ZFP41: variants seen among roughly 807,000 people sequenced by gnomAD.
ZFP41 encodes zinc finger protein 41 homolog.
In ZFP41, 10 loss-of-function variants were observed where a neutral mutation model predicts 11.6. That is an observed-to-expected ratio of 0.86 (90% confidence interval 0.53 to 1.47). The LOEUF (loss-of-function observed/expected upper bound fraction) is 1.47. ZFP41 is among the 40% of genes most tolerant of loss of function. ZFP41 has a pLI of 0.00. For synonymous variants in ZFP41, 123 were observed against 100.9 expected (o/e 1.22, Z -1.31); for missense variants, 302 against 264.6 (o/e 1.14, Z -0.98).
intron 2 of ZFP41, among the ~76,000 whole-genome samples, chr8:143,258,933 C>G (rs1235921108): frequency 6.6e-6 from 1 of 152,224 alleles, no homozygotes; most frequent in African/African-American, 2.4e-5. Context: ...GGCAGCAGCA[C>G]AGTCTGGAGA....
At chr8:143,256,412 C>T (rs1190100517) in intron 2 of ZFP41, among the ~76,000 whole-genome samples, 5 of 151,718 alleles carry the variant, frequency 3.3e-5, no homozygotes, top group African/African-American at 7.3e-5. Flanking sequence ...GGGCTCGCCC[C>T]GCGTGCTGGT....
At chr8:143,253,635 G>A (rs928458523) in intron 2 of ZFP41, 8 of 152,224 alleles carry the variant, frequency 5.3e-5, no homozygotes, top group African/African-American at 1.9e-4. Context: ...CTAGGTGAAG[G>A]GTGCATTCGA....
At chr8:143,252,733 C>A in intron 2 of ZFP41, 1 of 709,000 alleles carries the variant, frequency 1.4e-6, no homozygotes, top group Non-Finnish European at 1.7e-6. Flanking sequence ...GGAGGCCAGT[C>A]TTCCCGTGGG....
rs373230405 is a variant in ZFP41, at chr8:143,250,035, C to T, written c.192C>T (p.Phe64=). 22 of 1,614,104 alleles carry T rather than the reference C, an allele frequency of 1.4e-5. 1 individual carries two copies. The highest frequency in any genetic ancestry group is 7.7e-5 in the South Asian group (7 of 91,084). The stretch of plus-strand genomic sequence containing the variant: ...ACGAAGAGCACGTCTTTGATGCCTT[C>T]GACGCTTCATTTAAAGATGACTTTG... ...PEDEEHVFDA[F]DASFKDDFEG... Residue 64 remains phenylalanine, a synonymous_variant, in exon 2 of 3, where the codon TTC becomes TTT. Transcript: ENST00000330701.
intron 2 of ZFP41, chr8:143,252,549 C>T (rs1814796915): frequency 8.2e-6 from 5 of 608,080 alleles, no homozygotes; most frequent in Non-Finnish European, 1.0e-5. Context: ...AGAGGGGAGC[C>T]GTGGCGCCTG....
At chr8:143,253,802 C>G (rs1181640891) in intron 2 of ZFP41, among the ~76,000 whole-genome samples, 2 of 152,182 alleles carry the variant, frequency 1.3e-5, no homozygotes, top group East Asian at 1.9e-4. Context: ...TGAGCTCTCA[C>G]TCTTGAGGTT....
intron 2 of ZFP41, among the ~76,000 whole-genome samples, chr8:143,258,613 A>C (rs750059273): frequency 2.6e-5 from 4 of 152,246 alleles, no homozygotes; most frequent in African/African-American, 7.2e-5. Context: ...TGCAGCATTC[A>C]TAGGAACCAG....
chr8:143,262,067 C>T lies in ZFP41; in HGVS notation c.*3193C>T, dbSNP rs141369447. ...GGCTGTCTCCGGCAGCCCCTGCCCGCGCCCGCACCTCTGCACCTCCCACGC... is the reference window on the plus strand; with the variant it reads ...GGCTGTCTCCGGCAGCCCCTGCCCGTGCCCGCACCTCTGCACCTCCCACGC... On this transcript the variant is annotated 3_prime_UTR_variant, in exon 3 of 3. Transcript: ENST00000330701. 0.01 allele frequency: 1,870 copies of T among 180,582 alleles called. 24 individuals are homozygous for T. Among genetic ancestry groups the T allele is most frequent in the African/African-American group, 0.029 (1,134 of 39,576 alleles). 11.2% of individuals were successfully genotyped at this position (180,582 alleles called of 1,614,324 possible).
At chr8:143,257,792 C>T (rs1407036017) in intron 2 of ZFP41, among the ~76,000 whole-genome samples, 1 of 152,222 alleles carries the variant, frequency 6.6e-6, no homozygotes, top group Non-Finnish European at 1.5e-5. Flanking sequence ...CAGCCCAGCT[C>T]GAGGAGACAC....
rs777499109 is a variant in ZFP41 at position 143,250,064 on chromosome 8, G to A, written c.221G>A (p.Gly74Glu). 1.2e-6 allele frequency: 2 copies of A among 1,614,140 alleles called. No individual in the cohort carries two copies. Among genetic ancestry groups the A allele is most frequent in the South Asian group, 1.1e-5 (1 of 91,086 alleles). ...FDASFKDDFE[G>E]VPVFIPFQRK... ...GCTTCATTTAAAGATGACTTTGAGGGGGTTCCCGTGTTCATTCCTTTTCAG... is the reference window on the plus strand; with the variant it reads ...GCTTCATTTAAAGATGACTTTGAGGAGGTTCCCGTGTTCATTCCTTTTCAG... Residue 74 changes from glycine (G) to glutamate (E), a missense_variant, in exon 2 of 3, where the codon GGG becomes GAG. Gly to Glu is a moderately conservative substitution (Grantham distance 98, BLOSUM62 -2). Transcript: ENST00000330701.
intron 2 of ZFP41, among the ~76,000 whole-genome samples, chr8:143,251,683 C>T (rs1479137738): frequency 2.0e-5 from 3 of 152,178 alleles, no homozygotes; most frequent in Non-Finnish European, 4.4e-5. Context: ...GGGTACACTG[C>T]CCGGATGATG....
At position 143,261,659 on chromosome 8, in the gene ZFP41, C is replaced by T. The variant is rs1815041415; in HGVS notation, c.*2785C>T. On this transcript the variant is annotated 3_prime_UTR_variant, in exon 3 of 3. Coordinates refer to ENST00000330701, the MANE Select transcript of ZFP41 (RefSeq NM_173832.6). Reference sequence around the variant, plus strand: ...GGCGACTTCACAGCCGAGACCGGGCCTAACGCTGCTGTCTCGCAGTCACCC... The same window carrying T: ...GGCGACTTCACAGCCGAGACCGGGCTTAACGCTGCTGTCTCGCAGTCACCC... The T allele has an allele frequency of 6.3e-6, 1 of 158,182 alleles. No individual in the cohort carries two copies. The highest frequency in any genetic ancestry group is 1.4e-5 in the Non-Finnish European group (1 of 72,124). 9.8% of individuals were successfully genotyped at this position (158,182 alleles called of 1,614,324 possible).
At chr8:143,254,556 T>A (rs1200897641) in intron 2 of ZFP41, among the ~76,000 whole-genome samples, 2 of 152,086 alleles carry the variant, frequency 1.3e-5, no homozygotes. Flanking sequence ...CCTGGTGGTG[T>A]CTGCATTTGG....
intron 2 of ZFP41, among the ~76,000 whole-genome samples, chr8:143,252,257 C>T (rs1023003351): frequency 3.3e-5 from 5 of 152,364 alleles, no homozygotes; most frequent in South Asian, 2.1e-4. Context: ...GGTCCTGACC[C>T]GCAGGGCAGC....
intron 2 of ZFP41, among the ~76,000 whole-genome samples, chr8:143,256,745 G>T (rs879610118): frequency 1.8e-4 from 28 of 151,742 alleles, no homozygotes; most frequent in Non-Finnish European, 3.7e-4. Context: ...AAATCCACTT[G>T]GAAATTTTTT....
At position 143,260,788 on chromosome 8, in the gene ZFP41, C is replaced by T. The variant is rs916137732; in HGVS notation, c.*1914C>T. 1 of 186,402 alleles carries T rather than the reference C, an allele frequency of 5.4e-6. No homozygotes were observed. 11.5% of individuals were successfully genotyped at this position (186,402 alleles called of 1,614,324 possible). On this transcript the variant is annotated 3_prime_UTR_variant, in exon 3 of 3. Transcript: ENST00000330701. Reference sequence around the variant, plus strand: ...ACCAGCGGGCACCATCCTCCCAGCCCCACTCAGCTGCCCTGACCAGCGGGC... The same window carrying T: ...ACCAGCGGGCACCATCCTCCCAGCCTCACTCAGCTGCCCTGACCAGCGGGC...
intron 1 of ZFP41, 75 bp from the exon 2 acceptor site, chr8:143,249,615 G>A (rs893055930): frequency 7.0e-6 from 4 of 568,368 alleles, no homozygotes; most frequent in East Asian, 3.2e-5. Context: ...TGGGAAGGGA[G>A]GGGCCGCACC....
rs1816780563 is a variant in ZFP41 at position 143,250,369 on chromosome 8, T to A, written c.526T>A (p.Cys176Ser). 1 of 1,613,986 alleles carries A rather than the reference T, an allele frequency of 6.2e-7. No homozygotes were observed. Among genetic ancestry groups the A allele is most frequent in the South Asian group, 1.1e-5 (1 of 91,090 alleles). Residue 176 changes from cysteine (C) to serine (S), a missense_variant, in exon 2 of 3, where the codon TGT becomes AGT. Coordinates refer to ENST00000330701, the MANE Select transcript of ZFP41 (RefSeq NM_173832.6). ...GGAGAAGCCCTACGAATGCACGCACTGTGGGAAAGCCTTTGCCTACAGCTC... is the reference window on the plus strand; with the variant it reads ...GGAGAAGCCCTACGAATGCACGCACAGTGGGAAAGCCTTTGCCTACAGCTC... The part of the protein sequence containing the change: ...TGEKPYECTH[C>S]GKAFAYSSCL...
Position 143,260,453 on chromosome 8 carries a change from T to G in ZFP41, c.*1579T>G. 1 of 157,290 alleles carries G rather than the reference T, an allele frequency of 6.4e-6. No homozygotes were observed. Among genetic ancestry groups the G allele is most frequent in the South Asian group, 1.7e-4 (1 of 5,896 alleles). The allele number at this position is 157,290 out of a possible 1,614,324, so 9.7% of individuals were successfully genotyped here. A position where few individuals can be genotyped will look rare whatever the true frequency, so the allele number is the denominator to read the frequency against. ...AATCAGCCTGATGTTCAGAATGCCT[T>G]CCTGGCATCTCAGAAGTGTACTGGG... On this transcript the variant is annotated 3_prime_UTR_variant, in exon 3 of 3. Transcript: ENST00000330701.
Sources: allele counts gnomAD v4.1 joint callset (sites outside exome capture counted in the v4.1 genomes callset), GRCh38; gene constraint gnomAD v4.1.1; transcripts MANE v1.5; gene names NCBI Gene and HGNC (gene_info 2026-07-23, HGNC 2026-07-21).